PIBF1: variants seen among roughly 807,000 people sequenced by gnomAD.
PIBF1 encodes progesterone-induced-blocking factor 1.
In PIBF1, 90 loss-of-function variants were observed where a neutral mutation model predicts 112.5. That is an observed-to-expected ratio of 0.80 (90% CI 0.67 to 0.95). PIBF1 has a LOEUF of 0.95. Ranked by LOEUF, PIBF1 falls within the 40% of genes least tolerant of loss-of-function variation. The pLI is 0.00. For missense variants in PIBF1, 915 were observed against 852.3 expected (o/e 1.07, Z -0.92); for synonymous variants, 301 against 288.6 (o/e 1.04, Z -0.44).
intron 1 of PIBF1, among the ~76,000 whole-genome samples, chr13:72,782,765 T>C (rs1206281479): frequency 6.6e-6 from 1 of 152,198 alleles, no homozygotes; most frequent in African/African-American, 2.4e-5. Flanking sequence ...AAAAATGTTT[T>C]TGTCCCCGTT....
At chr13:72,812,984 T>C (rs1298900686) in intron 5 of PIBF1, among the ~76,000 whole-genome samples, 1 of 151,868 alleles carries the variant, frequency 6.6e-6, no homozygotes, top group East Asian at 1.9e-4. Flanking sequence ...AAGAAAGAAA[T>C]AGCCATCAAC....
At chr13:72,904,603 G>A (rs1190686853) in intron 11 of PIBF1, among the ~76,000 whole-genome samples, 2 of 150,942 alleles carry the variant, frequency 1.3e-5, no homozygotes, top group African/African-American at 4.9e-5. Context: ...ACCACACCCA[G>A]CTAATTTTTG....
At chr13:72,783,351 C>T in intron 1 of PIBF1, 72 bp from the exon 2 acceptor site, 1 of 695,536 alleles carries the variant, frequency 1.4e-6, no homozygotes, top group East Asian at 2.7e-5. Flanking sequence ...TCCTTAGTCT[C>T]TCTTTAATAC....
At chr13:72,860,944 A>G (rs772363252) in intron 10 of PIBF1, among the ~76,000 whole-genome samples, 36 of 152,208 alleles carry the variant, frequency 2.4e-4, no homozygotes, top group Non-Finnish European at 4.4e-4. Context: ...GAATCCCTGC[A>G]TGTACTCCTA....
At chr13:72,959,502 G>A (rs937785559) in intron 14 of PIBF1, among the ~76,000 whole-genome samples, 2 of 152,022 alleles carry the variant, frequency 1.3e-5, no homozygotes, top group African/African-American at 4.8e-5. Context: ...TAGACAGAAA[G>A]CAACTCAATG....
intron 5 of PIBF1, among the ~76,000 whole-genome samples, chr13:72,816,660 C>CA (rs75770965): frequency 4.9e-3 from 345 of 70,746 alleles, no homozygotes; most frequent in East Asian, 0.017. Context: ...GACCCTGTCT[C>CA]AAAAAAAAAA....
chr13:72,922,966 C>G (rs971228068), intron 13 of PIBF1, among the ~76,000 whole-genome samples: 3 of 152,142 alleles, frequency 2.0e-5, no homozygotes, highest in Non-Finnish European at 4.4e-5. Context: ...AGTATAAGGA[C>G]CAGCCTTAAG....
At chr13:72,927,990 C>CATATATATATAT in intron 13 of PIBF1, among the ~76,000 whole-genome samples, 3 of 80,840 alleles carry the variant, frequency 3.7e-5, no homozygotes, top group South Asian at 3.3e-4. Flanking sequence ...TATATATATA[C>CATATATATATAT]ACACACATAT....
At chr13:72,927,360 C>T (rs1442624266) in intron 13 of PIBF1, among the ~76,000 whole-genome samples, 3 of 152,094 alleles carry the variant, frequency 2.0e-5, no homozygotes, top group Non-Finnish European at 4.4e-5. Flanking sequence ...AAAAATTAGC[C>T]GGGCCTAGTG....
intron 10 of PIBF1, chr13:72,881,054 A>C (rs1188333215): frequency 1.3e-5 from 2 of 152,104 alleles, no homozygotes; most frequent in East Asian, 3.9e-4. Flanking sequence ...TCAAATTGTT[A>C]AGGGAGTAGT....
In PIBF1 at chr13:72,854,083, C is replaced by G. The variant is rs2038299953; in HGVS notation, c.1250C>G (p.Ala417Gly). 4 of 1,612,622 alleles carry G rather than the reference C, an allele frequency of 2.5e-6. No individual in the cohort carries two copies. Among genetic ancestry groups the G allele is most frequent in the Non-Finnish European group, 3.4e-6 (4 of 1,178,908 alleles). The change falls in exon 10 of 18, where the codon GCT becomes GGT. Residue 417 changes from alanine (A) to glycine (G), a missense_variant. Ala to Gly is a moderately conservative substitution (Grantham distance 60, BLOSUM62 0). Transcript: ENST00000326291. ...AATCTCCGAGAAGCAAGGGATAATG[C>G]TGTGGCTGAAAAGGAACGAGCAGTG... ...NRNLREARDN[A>G]VAEKERAVMA... is the part of the protein sequence containing the mutation.
chr13:72,909,682 G>C (rs4362268), intron 12 of PIBF1, among the ~76,000 whole-genome samples: 1 of 151,686 alleles, frequency 6.6e-6, no homozygotes, highest in African/African-American at 2.4e-5. Context: ...TAGTAGAGAC[G>C]GGGTTTCTCC....
chr13:72,882,364 A>G (rs569116578), intron 10 of PIBF1, among the ~76,000 whole-genome samples: 1 of 152,336 alleles, frequency 6.6e-6, no homozygotes, highest in Non-Finnish European at 1.5e-5. Context: ...ACGCTCTAGG[A>G]CATTGTTCTG....
At chr13:72,931,123 A>G (rs568410322) in intron 13 of PIBF1, 42 bp from the exon 14 acceptor site, 1 of 1,190,344 alleles carries the variant, frequency 8.4e-7, no homozygotes, top group Non-Finnish European at 1.2e-6. Context: ...TTTGGGCAGT[A>G]TTTCACTTTT....
intron 15 of PIBF1, among the ~76,000 whole-genome samples, chr13:72,966,908 CAAAA>C (rs1159051583): frequency 6.8e-6 from 1 of 147,366 alleles, no homozygotes; most frequent in Non-Finnish European, 1.5e-5. Context: ...GACTCTGTCT[CAAAA>C]AAATTAAAAT....
intron 16 of PIBF1, among the ~76,000 whole-genome samples, chr13:72,992,737 G>A (rs778458273): frequency 6.6e-6 from 1 of 152,142 alleles, no homozygotes; most frequent in Non-Finnish European, 1.5e-5. Flanking sequence ...CTTGAGCCTG[G>A]GAGGCAGAGG....
chr13:72,928,028 T>TATATATATACATATATACATATATATAC (rs1555316969), intron 13 of PIBF1, among the ~76,000 whole-genome samples: 14,521 of 56,072 alleles, frequency 0.26, 1,336 homozygotes, highest in South Asian at 0.41. Context: ...TATATATACA[T>TATATATATACATATATACATATATATAC]ATATATATAT....
rs139742390 is a variant in PIBF1, at chr13:72,823,506, G to A, written c.806+1524G>A. ...CCCTTTTTAGTTCACTCAGCAGAAT[G>A]AATGAGTTTAAAAACATCGGTCATA... On this transcript the variant is annotated intron_variant, in intron 6 of 17. Coordinates refer to ENST00000326291, the MANE Select transcript of PIBF1 (RefSeq NM_006346.4). 3.0e-3 allele frequency among the ~76,000 whole-genome samples: 458 copies of A among 152,110 alleles called. 1 individual carries two copies. Among genetic ancestry groups the A allele is most frequent in the African/African-American group, 1.0e-2 (415 of 41,536 alleles).
At chr13:72,839,865 T>C (rs2037527156) in intron 9 of PIBF1, among the ~76,000 whole-genome samples, 1 of 152,156 alleles carries the variant, frequency 6.6e-6, no homozygotes, top group Non-Finnish European at 1.5e-5. Context: ...AAAGCAGATG[T>C]CCTTGTCTCC....
Sources: gnomAD v4.1 joint callset for allele counts (sites outside exome capture counted in the v4.1 genomes callset) on GRCh38, gnomAD v4.1.1 for gene constraint, MANE v1.5 for transcripts, NCBI Gene and HGNC (gene_info 2026-07-23, HGNC 2026-07-21) for gene names.